Variants in CSNK2A1 observed in about 807,000 individuals in gnomAD.
CSNK2A1 encodes casein kinase II subunit alpha.
Under a neutral mutation model 62.9 loss-of-function variants are expected in CSNK2A1, and 10 were observed. That is an observed-to-expected ratio of 0.16 (90% CI 0.10 to 0.27). The LOEUF is 0.27. Among genes scored for constraint, CSNK2A1 ranks in the 10% least tolerant of loss-of-function variants. CSNK2A1 has a pLI of 1.00. For synonymous variants in CSNK2A1, 124 were observed against 167.8 expected (o/e 0.74, Z 2.02); for missense variants, 160 against 492.0 (o/e 0.33, Z 6.38).
chr20:491,682 A>C (rs2018237953), intron 9 of CSNK2A1, among the ~76,000 whole-genome samples: 1 of 151,780 alleles, frequency 6.6e-6, no homozygotes, highest in African/African-American at 2.4e-5. Flanking sequence ...GAAAACAAAC[A>C]AAAGGCCGGG....
intron 2 of CSNK2A1, among the ~76,000 whole-genome samples, chr20:524,364 T>C (rs1376892937): frequency 1.4e-5 from 2 of 146,682 alleles, no homozygotes; most frequent in African/African-American, 5.1e-5. Flanking sequence ...GAGGCGAAGG[T>C]TGTAGCAAGA....
intron 2 of CSNK2A1, among the ~76,000 whole-genome samples, chr20:513,456 T>C (rs1246903963): frequency 3.3e-5 from 5 of 152,346 alleles, no homozygotes; most frequent in African/African-American, 9.6e-5. Flanking sequence ...TGAAAGCTAA[T>C]AAGCAGAAAC....
intron 2 of CSNK2A1, among the ~76,000 whole-genome samples, chr20:520,213 C>T (rs1007663163): frequency 2.6e-5 from 4 of 151,926 alleles, no homozygotes; most frequent in Non-Finnish European, 5.9e-5. Context: ...AGGTAAAAGA[C>T]AAAGACTATC....
intron 1 of CSNK2A1, among the ~76,000 whole-genome samples, chr20:537,249 T>C (rs1402240943): frequency 6.6e-6 from 1 of 152,212 alleles, no homozygotes; most frequent in Non-Finnish European, 1.5e-5. Flanking sequence ...TGTACCTTGG[T>C]ATTTAACCCT....
At chr20:541,097 T>C (rs1331680226) in intron 1 of CSNK2A1, 1 of 152,250 alleles carries the variant, frequency 6.6e-6, no homozygotes, top group Non-Finnish European at 1.5e-5. Context: ...CATGTGGTCC[T>C]CTCTAGCAAA....
At chr20:530,712 C>T (rs6084802) in intron 1 of CSNK2A1, among the ~76,000 whole-genome samples, 1 of 151,872 alleles carries the variant, frequency 6.6e-6, no homozygotes, top group African/African-American at 2.4e-5. Context: ...TGGATTCAAG[C>T]GATCATCCCA....
At chr20:521,912 A>C (rs546536861) in intron 2 of CSNK2A1, among the ~76,000 whole-genome samples, 2 of 152,330 alleles carry the variant, frequency 1.3e-5, no homozygotes, top group South Asian at 4.1e-4. Flanking sequence ...TTAAAAGTGA[A>C]GAAGCCAGAA....
intron 1 of CSNK2A1, chr20:539,876 A>C (rs947669790): frequency 6.6e-6 from 1 of 152,274 alleles, no homozygotes; most frequent in African/African-American, 2.4e-5. Flanking sequence ...CTAAAGAAAC[A>C]AGTTCTCTAC....
At chr20:487,839 A>G (rs946417405) in intron 11 of CSNK2A1, 5 of 491,232 alleles carry the variant, frequency 1.0e-5, no homozygotes, top group African/African-American at 1.9e-5. Context: ...ACAGGACGTG[A>G]CCGCTTCTGT....
chr20:530,002 G>A (rs78443745), intron 1 of CSNK2A1, among the ~76,000 whole-genome samples: 5,348 of 152,152 alleles, frequency 0.035, 117 homozygotes, highest in African/African-American at 0.055. Context: ...TAAAATCCAT[G>A]TAACATAAAA....
intron 2 of CSNK2A1, among the ~76,000 whole-genome samples, chr20:520,822 C>G (rs1431207103): frequency 1.3e-5 from 2 of 152,060 alleles, no homozygotes; most frequent in Non-Finnish European, 2.9e-5. Flanking sequence ...ACTTGGAGAT[C>G]AATATGCAAA....
chr20:527,780 C>T (rs1454349463), intron 2 of CSNK2A1, among the ~76,000 whole-genome samples, 153 bp downstream of exon 2: 1 of 152,196 alleles, frequency 6.6e-6, no homozygotes. Flanking sequence ...CTCAGGTGAT[C>T]CAACTGTTTC....
intron 2 of CSNK2A1, among the ~76,000 whole-genome samples, chr20:518,776 C>T (rs1289788578): frequency 2.1e-5 from 3 of 146,154 alleles, no homozygotes; most frequent in Non-Finnish European, 3.0e-5. Context: ...AGGACGGTCT[C>T]GATCTCCTGA....
chr20:488,954 A>T, intron 10 of CSNK2A1, 176 bp from the exon 11 acceptor site: 1 of 525,882 alleles, frequency 1.9e-6, no homozygotes, highest in Non-Finnish European at 3.2e-6. Context: ...AAACTACTTT[A>T]TAAACTGGTT....
chr20:537,623 C>A (rs2019362622), intron 1 of CSNK2A1, among the ~76,000 whole-genome samples: 1 of 152,168 alleles, frequency 6.6e-6, no homozygotes, highest in South Asian at 2.1e-4. Flanking sequence ...AGAGGAATTT[C>A]TTCATTTGAA....
chr20:518,111 A>C (rs966514043), intron 2 of CSNK2A1, among the ~76,000 whole-genome samples: 6 of 152,170 alleles, frequency 3.9e-5, no homozygotes, highest in African/African-American at 1.2e-4. Flanking sequence ...GGCTACAGGC[A>C]TGTGTCACCA....
Position 519,314 on chromosome 20 carries a change from T to G in CSNK2A1, c.-110+8619A>C, listed in dbSNP as rs189512410. On this transcript the variant is annotated intron_variant, in intron 2 of 13. Coordinates refer to ENST00000217244, the MANE Select transcript of CSNK2A1 (RefSeq NM_177559.3). ...CAGTAACTGAAGACAGTTGAAAATA[T>G]CCCAGAAGCAATCAGACACAATCAA... 2.6e-3 allele frequency among the ~76,000 whole-genome samples: 403 copies of G among 152,290 alleles called. 1 individual carries two copies. Among genetic ancestry groups the G allele is most frequent in the Non-Finnish European group, 4.5e-3 (307 of 68,026 alleles).
chr20:485,109 A>ATAATAATAATAATATATATATATAT (rs1366439608), intron 13 of CSNK2A1, among the ~76,000 whole-genome samples: 1 of 24,666 alleles, frequency 4.1e-5, no homozygotes, highest in African/African-American at 1.4e-4. Flanking sequence ...AAAAAAAAAA[A>ATAATAATAATAATATATATATATAT]ATATATATAT....
At chr20:543,614 GC>G in intron 1 of CSNK2A1, 57 bp downstream of exon 1, 1 of 397,538 alleles carries the variant, frequency 2.5e-6, no homozygotes, top group Non-Finnish European at 4.4e-6. Context: ...GCGCTCCGCT[GC>G]CCTATCCTGG....
Sources: gnomAD v4.1 joint callset for allele counts (sites outside exome capture counted in the v4.1 genomes callset) on GRCh38, gnomAD v4.1.1 for gene constraint, MANE v1.5 for transcripts, NCBI Gene and HGNC (gene_info 2026-07-23, HGNC 2026-07-21) for gene names.